VCL: variants seen among roughly 807,000 people sequenced by gnomAD.
VCL encodes epididymis luminal protein 114.
VCL carries 47 observed loss-of-function variants against 125.7 expected under a neutral mutation model. That is an observed-to-expected ratio of 0.37 (90% CI 0.30 to 0.48). VCL has a LOEUF of 0.48. Among genes scored for constraint, VCL ranks in the 20% least tolerant of loss-of-function variants. The pLI is 0.99. For missense variants in VCL, 1,069 were observed against 1,455.5 expected (o/e 0.73, Z 4.32); for synonymous variants, 458 against 514.6 (o/e 0.89, Z 1.49).
chr10:74,016,413 C>T (rs1840539828), intron 1 of VCL, among the ~76,000 whole-genome samples: 1 of 151,970 alleles, frequency 6.6e-6, no homozygotes, highest in African/African-American at 2.4e-5. Context: ...AAGTCCGAGA[C>T]CAGCCTGGGC....
rs34306365 is a variant in VCL at position 74,062,367 on chromosome 10, ATT to A, written c.240-8285_240-8284del. On this transcript the variant is annotated intron_variant, in intron 2 of 21. Transcript: ENST00000211998. ...GGTGTGAGCCACCATGCCTGGCCTG[ATT>A]TTTTTTTTTTTTTTTTTGTAGAGAT... Among the ~76,000 whole-genome samples, 730 of 113,906 alleles carry A rather than the reference ATT, an allele frequency of 6.4e-3. 5 individuals are homozygous for A. The highest frequency in any genetic ancestry group is 0.022 in the African/African-American group (651 of 29,456). 74.7% of individuals were successfully genotyped at this position (113,906 alleles called of 152,430 possible).
At chr10:74,049,478 CAG>C (rs1406999796) in intron 2 of VCL, among the ~76,000 whole-genome samples, 7 of 152,066 alleles carry the variant, frequency 4.6e-5, no homozygotes. Flanking sequence ...GATAGGAATT[CAG>C]AGAGAGAGCT....
At chr10:74,120,708 G>C (rs1840415696), downstream of VCL, 1 of 152,228 alleles carries the variant, frequency 6.6e-6, no homozygotes, top group Non-Finnish European at 1.5e-5. Flanking sequence ...AGTAGAGATG[G>C]AGTTTCACCA....
At chr10:74,005,858 A>G (rs1470331028) in intron 1 of VCL, among the ~76,000 whole-genome samples, 1 of 151,668 alleles carries the variant, frequency 6.6e-6, no homozygotes, top group Non-Finnish European at 1.5e-5. Context: ...TTTTATTTTT[A>G]TTGTTGTATT....
chr10:74,063,433 G>A (rs577764067), intron 2 of VCL, among the ~76,000 whole-genome samples: 19 of 152,272 alleles, frequency 1.2e-4, no homozygotes, highest in Middle Eastern at 3.4e-3. Flanking sequence ...AAAAGACTCT[G>A]TTTCTTCACC....
At chr10:74,080,589 G>A (rs1839660541) in intron 6 of VCL, among the ~76,000 whole-genome samples, 1 of 152,012 alleles carries the variant, frequency 6.6e-6, no homozygotes, top group African/African-American at 2.4e-5. Context: ...TCTGACCTTC[G>A]TTTCCCTTTG....
intron 2 of VCL, among the ~76,000 whole-genome samples, chr10:74,044,422 G>C (rs1347584201): frequency 1.3e-5 from 2 of 152,148 alleles, no homozygotes; most frequent in Non-Finnish European, 2.9e-5. Context: ...TGAAGGACTT[G>C]AATAGGCACC....
rs145393322 is a variant in VCL, at chr10:74,107,326, C to T, written c.2531C>T (p.Pro844Leu). Residue 844 changes from proline to leucine, a missense_variant, in exon 17 of 22, where the codon CCG (proline) becomes CTG (leucine). Coordinates refer to ENST00000211998, the MANE Select transcript of VCL (RefSeq NM_014000.3). Reference protein sequence around the residue: ...AFQPQEPDFPPPPPDLEQLRL... With the variant: ...AFQPQEPDFPLPPPDLEQLRL... ...CAACCTCAGGAGCCTGACTTCCCGC[C>T]GCCTCCACCAGACCTTGAACAACTC... 65 of 1,614,180 alleles carry T rather than the reference C, an allele frequency of 4.0e-5. No homozygotes were observed. The highest frequency in any genetic ancestry group is 6.7e-5 in the East Asian group (3 of 44,890).
intron 8 of VCL, among the ~76,000 whole-genome samples, chr10:74,087,398 T>C (rs1179207532): frequency 6.8e-6 from 1 of 146,034 alleles, no homozygotes; most frequent in Non-Finnish European, 1.5e-5. Flanking sequence ...CAGGCTGGAG[T>C]GCAGTGGCGT....
chr10:74,095,598 G>A (rs1353308073), intron 11 of VCL, 58 bp from the exon 12 acceptor site: 9 of 1,606,334 alleles, frequency 5.6e-6, no homozygotes, highest in African/African-American at 1.3e-5. Flanking sequence ...ACCACAGAAT[G>A]GCATTGCAAT....
At chr10:74,109,258 C>T (rs1840183970) in intron 18 of VCL, 102 bp downstream of exon 18, 1 of 1,446,256 alleles carries the variant, frequency 6.9e-7, no homozygotes, top group Non-Finnish European at 9.5e-7. Context: ...GTCACCCTCT[C>T]TCTCTCCTTT....
intron 1 of VCL, among the ~76,000 whole-genome samples, chr10:74,036,147 A>G (rs1840971992): frequency 1.3e-5 from 2 of 152,226 alleles, no homozygotes; most frequent in Non-Finnish European, 2.9e-5. Context: ...ACTGACCCAG[A>G]GAAAGCTAAT....
chr10:74,108,759 C>T (rs1840175745), intron 17 of VCL, among the ~76,000 whole-genome samples: 1 of 152,162 alleles, frequency 6.6e-6, no homozygotes. Flanking sequence ...GGATTATAGG[C>T]GTGAGCCACT....
At chr10:74,081,616 T>C (rs1839675026) in intron 6 of VCL, among the ~76,000 whole-genome samples, 1 of 152,234 alleles carries the variant, frequency 6.6e-6, no homozygotes, top group African/African-American at 2.4e-5. Flanking sequence ...TATTGTTCTC[T>C]GTGTTTTTAT....
chr10:74,022,400 G>T (rs1840687401), intron 1 of VCL, among the ~76,000 whole-genome samples: 1 of 151,554 alleles, frequency 6.6e-6, no homozygotes, highest in Non-Finnish European at 1.5e-5. Flanking sequence ...ACAAAAATTA[G>T]CCGGGCATGA....
chr10:74,011,706 C>A (rs1464955911), intron 1 of VCL, among the ~76,000 whole-genome samples: 1 of 152,076 alleles, frequency 6.6e-6, no homozygotes, highest in Non-Finnish European at 1.5e-5. Flanking sequence ...TTTATACAGT[C>A]TCAAAGAGAA....
Position 74,083,417 on chromosome 10 carries a change from T to C in VCL, c.926T>C (p.Val309Ala). 1.2e-6 allele frequency: 2 copies of C among 1,614,110 alleles called. No individual in the cohort carries two copies. Among genetic ancestry groups the C allele is most frequent in the Non-Finnish European group, 1.7e-6 (2 of 1,179,996 alleles). The change falls in exon 8 of 22, where the codon GTT becomes GCT. Residue 309 changes from valine to alanine, a missense_variant. Val to Ala is a moderately conservative substitution (Grantham distance 64, BLOSUM62 0). Coordinates refer to ENST00000211998, the MANE Select transcript of VCL (RefSeq NM_014000.3). ...IRQILDEAGK[V>A]GELCAGKERR... ...CAGATCTTAGATGAAGCTGGAAAAG[T>C]TGGTGAACTCTGTGCAGGCAAAGAA... is the stretch of plus-strand genomic sequence containing the variant.
At chr10:73,999,921 T>G (rs1840195696) in intron 1 of VCL, among the ~76,000 whole-genome samples, 1 of 152,222 alleles carries the variant, frequency 6.6e-6, no homozygotes, top group African/African-American at 2.4e-5. Flanking sequence ...CATGGCTGCA[T>G]TCCAGGCCTC....
intron 17 of VCL, among the ~76,000 whole-genome samples, chr10:74,108,068 G>T (rs1320282475): frequency 6.6e-6 from 1 of 152,214 alleles, no homozygotes; most frequent in Non-Finnish European, 1.5e-5. Context: ...GTCAGTAAAA[G>T]ATGTTAAGTT....
Sources: gnomAD v4.1 joint callset for allele counts (sites outside exome capture counted in the v4.1 genomes callset) on GRCh38, gnomAD v4.1.1 for gene constraint, MANE v1.5 for transcripts, NCBI Gene and HGNC (gene_info 2026-07-23, HGNC 2026-07-21) for gene names.